Variants in CSMD1 observed in about 807,000 individuals in gnomAD.
CSMD1 encodes CUB and Sushi multiple domains 1, also known as CUB and sushi domain-containing protein 1.
Under a neutral mutation model 417.5 loss-of-function variants are expected in CSMD1, and 213 were observed. The observed-to-expected ratio is 0.51, with a 90% CI of 0.46 to 0.57. The LOEUF is 0.57. Among genes scored for constraint, CSMD1 ranks in the 20% least tolerant of loss-of-function variants. The pLI, the probability that CSMD1 is intolerant of heterozygous loss-of-function variation, is 0.00. For synonymous variants in CSMD1, 2,862 were observed against 1,736.8 expected (o/e 1.65, Z -16.11); for missense variants, 6,923 against 4,529.7 (o/e 1.53, Z -15.17).
intron 1 of CSMD1, among the ~76,000 whole-genome samples, chr8:4,796,141 A>T (rs935800190): frequency 7.2e-5 from 11 of 152,002 alleles, no homozygotes; most frequent in African/African-American, 2.4e-4. Context: ...GACCAAAAAA[A>T]CTTAAGCCTC....
At chr8:4,076,995 C>G (rs907845483) in intron 3 of CSMD1, among the ~76,000 whole-genome samples, 3 of 152,014 alleles carry the variant, frequency 2.0e-5, no homozygotes, top group Admixed American at 6.6e-5. Context: ...AGAATAAATT[C>G]CAGCTAATAG....
chr8:2,953,563 A>C (rs1465143856), intron 65 of CSMD1, among the ~76,000 whole-genome samples: 1 of 152,056 alleles, frequency 6.6e-6, no homozygotes, highest in African/African-American at 2.4e-5. Context: ...CAAAATACCC[A>C]ACTTAAATTA....
intron 7 of CSMD1, among the ~76,000 whole-genome samples, chr8:3,657,052 G>A (rs1426455020): frequency 8.0e-6 from 1 of 125,358 alleles, no homozygotes; most frequent in East Asian, 2.2e-4. Context: ...GGGCATTTTT[G>A]GGATAAACTT....
intron 3 of CSMD1, among the ~76,000 whole-genome samples, chr8:4,307,580 A>G (rs1371818476): frequency 6.6e-6 from 1 of 152,208 alleles, no homozygotes; most frequent in African/African-American, 2.4e-5. Context: ...CTGTGTTTAC[A>G]GAGTCCAGCC....
At chr8:4,532,834 A>T (rs1796901194) in intron 2 of CSMD1, among the ~76,000 whole-genome samples, 1 of 146,658 alleles carries the variant, frequency 6.8e-6, no homozygotes, top group African/African-American at 2.6e-5. Flanking sequence ...GCATTCAGTC[A>T]CTCCGGAAAA....
At chr8:4,114,567 A>ATGTCC (rs900920474) in intron 3 of CSMD1, among the ~76,000 whole-genome samples, 1 of 151,814 alleles carries the variant, frequency 6.6e-6, no homozygotes, top group South Asian at 2.1e-4. Flanking sequence ...TAATAAATGC[A>ATGTCC]TAAGTCTATA....
chr8:3,967,391 G>T (rs1318028608), intron 5 of CSMD1, among the ~76,000 whole-genome samples: 2 of 152,102 alleles, frequency 1.3e-5, no homozygotes, highest in East Asian at 3.9e-4. Context: ...ATTCTCTAGG[G>T]AGGTTGTCAT....
At chr8:3,970,571 G>C (rs1444119521) in intron 5 of CSMD1, among the ~76,000 whole-genome samples, 1 of 152,130 alleles carries the variant, frequency 6.6e-6, no homozygotes, top group Non-Finnish European at 1.5e-5. Context: ...CAACGGAAAT[G>C]TTGTTAAAGA....
At chr8:4,325,341 C>T (rs1279187640) in intron 3 of CSMD1, among the ~76,000 whole-genome samples, 2 of 152,100 alleles carry the variant, frequency 1.3e-5, no homozygotes, top group East Asian at 3.9e-4. Context: ...GTGGAGGGTT[C>T]TCTTGTCTAG....
chr8:4,457,891 G>C (rs918107497), intron 2 of CSMD1, among the ~76,000 whole-genome samples: 5 of 152,146 alleles, frequency 3.3e-5, no homozygotes, highest in East Asian at 3.9e-4. Context: ...CAGCACCGTA[G>C]TGAACGTCTC....
chr8:4,977,369 A>T (rs183343442), intron 1 of CSMD1, among the ~76,000 whole-genome samples: 1 of 152,248 alleles, frequency 6.6e-6, no homozygotes, highest in African/African-American at 2.4e-5. Flanking sequence ...CCCACTGAGC[A>T]GCTCTCCTCA....
At position 3,223,760 on chromosome 8, in the gene CSMD1, G is replaced by C; in HGVS notation, c.4453C>G (p.Pro1485Ala). The change falls in exon 28 of 70, where the codon CCG becomes GCG. Residue 1485 changes from proline to alanine, a missense_variant. Coordinates refer to ENST00000635120, the MANE Select transcript of CSMD1 (RefSeq NM_033225.6). ...KECDWRVKVNPDFVIALIFKS... is the reference protein window; with the variant it reads ...KECDWRVKVNADFVIALIFKS... ...AATATCAAGGCGATGACAAAGTCCG[G>C]GTTCACTTTTACTCTCCAGTCACAT... 1 of 1,613,848 alleles carries C rather than the reference G, an allele frequency of 6.2e-7. No homozygotes were observed. The highest frequency in any genetic ancestry group is 8.5e-7 in the Non-Finnish European group (1 of 1,179,818).
Position 3,930,005 on chromosome 8 carries a change from G to C in CSMD1, c.818+67898C>G, listed in dbSNP as rs557112662. ...TTTTAAAAACTATTTTATTGTTAATGCAAGGTTTTCTTCTTACACTGGTTT... is the reference window on the plus strand; with the variant it reads ...TTTTAAAAACTATTTTATTGTTAATCCAAGGTTTTCTTCTTACACTGGTTT... On this transcript the variant is annotated intron_variant, in intron 5 of 69. Transcript: ENST00000635120. 2.7e-5 allele frequency among the ~76,000 whole-genome samples: 4 copies of C among 150,422 alleles called. 1 individual carries two copies. Among genetic ancestry groups the C allele is most frequent in the African/African-American group, 9.8e-5 (4 of 40,842 alleles).
intron 26 of CSMD1, among the ~76,000 whole-genome samples, chr8:3,268,821 G>T (rs373570793): frequency 3.3e-5 from 5 of 152,244 alleles, no homozygotes; most frequent in Admixed American, 1.3e-4. Context: ...CTGGGGGACA[G>T]TGGGGCCTGA....
intron 3 of CSMD1, among the ~76,000 whole-genome samples, chr8:4,148,034 T>C (rs1265330196): frequency 1.3e-5 from 2 of 152,142 alleles, no homozygotes; most frequent in Non-Finnish European, 2.9e-5. Context: ...TAGTCTGTTC[T>C]ATGACCTTTA....
chr8:3,340,119 G>A (rs1001338694), intron 23 of CSMD1, among the ~76,000 whole-genome samples: 2 of 152,108 alleles, frequency 1.3e-5, no homozygotes, highest in Non-Finnish European at 2.9e-5. Context: ...GAGGATCACC[G>A]AAAATCGTTG....
intron 23 of CSMD1, among the ~76,000 whole-genome samples, chr8:3,315,884 A>G (rs953085730): frequency 6.6e-6 from 1 of 152,218 alleles, no homozygotes; most frequent in Non-Finnish European, 1.5e-5. Context: ...TTATAATTTT[A>G]AATACATTAC....
chr8:4,626,138 C>T (rs1470652717), intron 2 of CSMD1, among the ~76,000 whole-genome samples: 2 of 152,168 alleles, frequency 1.3e-5, no homozygotes, highest in Non-Finnish European at 2.9e-5. Context: ...GAGACACTAT[C>T]TCCTTTACAA....
chr8:4,776,838 T>C (rs894899954), intron 1 of CSMD1, among the ~76,000 whole-genome samples: 13 of 152,192 alleles, frequency 8.5e-5, no homozygotes, highest in African/African-American at 2.9e-4. Context: ...TGATTTCTGA[T>C]TCTGGAGCTT....
Sources: allele counts gnomAD v4.1 joint callset (sites outside exome capture counted in the v4.1 genomes callset), GRCh38; gene constraint gnomAD v4.1.1; transcripts MANE v1.5; gene names NCBI Gene and HGNC (gene_info 2026-07-23, HGNC 2026-07-21).